DOCK10: variants seen among roughly 807,000 people sequenced by gnomAD.
DOCK10 encodes the protein dedicator of cytokinesis 10.
In DOCK10, 145 loss-of-function variants were observed where a neutral mutation model predicts 280.1. That is an observed-to-expected ratio of 0.52 (90% CI 0.45 to 0.59). DOCK10 has a LOEUF of 0.59. Among genes scored for constraint, DOCK10 ranks in the 20% least tolerant of loss-of-function variants. The pLI, the probability that DOCK10 is intolerant of heterozygous loss-of-function variation, is 0.00. For synonymous variants in DOCK10, 915 were observed against 942.2 expected (o/e 0.97, Z 0.53); for missense variants, 2,368 against 2,651.7 (o/e 0.89, Z 2.35).
intron 7 of DOCK10, among the ~76,000 whole-genome samples, chr2:224,882,246 C>T (rs1168925240): frequency 3.9e-5 from 6 of 152,086 alleles, no homozygotes; most frequent in Non-Finnish European, 8.8e-5. Context: ...ACTGAAGGAA[C>T]AAGATAGGAT....
chr2:224,769,050 G>C (rs1243957437), intron 55 of DOCK10: 11 of 402,094 alleles, frequency 2.7e-5, no homozygotes, highest in Non-Finnish European at 5.4e-5. Flanking sequence ...CGAACTTTCA[G>C]ATCCATCATT....
At chr2:224,859,429 C>G (rs181424373) in intron 14 of DOCK10, among the ~76,000 whole-genome samples, 1 of 152,050 alleles carries the variant, frequency 6.6e-6, no homozygotes, top group Non-Finnish European at 1.5e-5. Flanking sequence ...AATTTTCTCC[C>G]GAGTCAATGA....
intron 1 of DOCK10, among the ~76,000 whole-genome samples, chr2:224,988,587 T>G (rs149503772): frequency 6.6e-6 from 1 of 152,226 alleles, no homozygotes; most frequent in East Asian, 1.9e-4. Flanking sequence ...AGTGGCAGAA[T>G]CAGAATTAGA....
rs772883004 is a variant in DOCK10 at position 224,770,565 on chromosome 2, C to G, written c.6285G>C (p.Lys2095Asn). 1.4e-5 allele frequency: 23 copies of G among 1,613,780 alleles called. No homozygotes were observed. Among genetic ancestry groups the G allele is most frequent in the Non-Finnish European group, 1.9e-5 (22 of 1,179,798 alleles). Residue 2095 changes from lysine (K) to asparagine (N), a missense_variant, in exon 54 of 56, where the codon AAG becomes AAC. By Grantham distance (94) the Lys-to-Asn change is moderately conservative. Coordinates refer to ENST00000258390, the MANE Select transcript of DOCK10 (RefSeq NM_014689.3). The surrounding 1 kb of genome is among the most constrained non-coding windows in gnomAD (Gnocchi z 4.5). ...CTTACCTGAAGATCTCCTTCAAAAG[C>G]TTTACTTGGTTGTCAGGGTACTTCT... is the stretch of plus-strand genomic sequence containing the variant. ...NAKKYPDNQVKLLKEIFRQFA... is the reference protein window; with the variant it reads ...NAKKYPDNQVNLLKEIFRQFA...
rs371768872 is a variant in DOCK10, at chr2:224,778,141, G to T, written c.5799C>A (p.Asn1933Lys). ...ADNVKIIQDS[N>K]KVNPKDLDPK... ...ATGAATACTGATTTTCCTCTACCTT[G>T]TTGGAATCCTGGATTATCTTCACAT... is the stretch of plus-strand genomic sequence containing the variant. The change falls in exon 51 of 56, where the codon AAC becomes AAA. Residue 1933 changes from asparagine (N) to lysine (K), a missense_variant. This residue lies in a region of DOCK10 where 1,159 missense variants were observed against 1,400.8 expected (regional missense o/e 0.83). Coordinates refer to ENST00000258390, the MANE Select transcript of DOCK10 (RefSeq NM_014689.3). The T allele has an allele frequency of 8.7e-6, 14 of 1,612,908 alleles. No individual in the cohort carries two copies. In the African/African-American group the frequency reaches 1.7e-4, roughly 20 times the overall value.
At chr2:224,972,349 G>A (rs1261071181) in intron 1 of DOCK10, among the ~76,000 whole-genome samples, 1 of 152,202 alleles carries the variant, frequency 6.6e-6, no homozygotes, top group Non-Finnish European at 1.5e-5. Flanking sequence ...TAAGGATGCA[G>A]ATAATCTACC....
chr2:224,940,400 T>C (rs1041717791), intron 1 of DOCK10, among the ~76,000 whole-genome samples: 14 of 152,206 alleles, frequency 9.2e-5, no homozygotes, highest in Non-Finnish European at 1.3e-4. Flanking sequence ...GTGCCTAGAA[T>C]AAGGGACTAC....
In DOCK10 at chr2:224,784,254, A is replaced by T. The variant is rs184856527; in HGVS notation, c.5655+2768T>A. Among the ~76,000 whole-genome samples the T allele has an allele frequency of 4.6e-5, 7 of 152,128 alleles. No individual in the cohort carries two copies. In the East Asian group the frequency reaches 1.4e-3, roughly 29 times the overall value. On this transcript the variant is annotated intron_variant, in intron 50 of 55. Coordinates refer to ENST00000258390, the MANE Select transcript of DOCK10 (RefSeq NM_014689.3). ...CCATAGACCCCCATCACTCTAAGAC[A>T]CTCCTTCAGAAAAAACACAGTTTTT...
intron 1 of DOCK10, among the ~76,000 whole-genome samples, chr2:224,974,320 T>G (rs1326543961): frequency 6.6e-6 from 1 of 152,142 alleles, no homozygotes; most frequent in African/African-American, 2.4e-5. Context: ...CAGAATGAAA[T>G]AGATTTGGAA....
intron 1 of DOCK10, among the ~76,000 whole-genome samples, chr2:225,004,917 T>C (rs1363879474): frequency 6.6e-6 from 1 of 152,244 alleles, no homozygotes; most frequent in African/African-American, 2.4e-5. Flanking sequence ...CCTTGCTTTA[T>C]TTCTCTAATC....
chr2:224,845,380 T>C, intron 20 of DOCK10, 56 bp from the exon 21 acceptor site: 1 of 1,554,582 alleles, frequency 6.4e-7, no homozygotes. Flanking sequence ...TGGTAAGAAG[T>C]CACAATAATG....
At chr2:224,888,398 G>A (rs1326027900) in intron 4 of DOCK10, among the ~76,000 whole-genome samples, 2 of 151,860 alleles carry the variant, frequency 1.3e-5, no homozygotes, top group Non-Finnish European at 2.9e-5. Flanking sequence ...ATATATATGT[G>A]TGTGCATGTA....
rs746125520 is a variant in DOCK10, at chr2:224,765,549, A to G, written c.*172T>C. The stretch of plus-strand genomic sequence containing the variant: ...ATCAACACTGCTCAAAGAAAAAAAA[A>G]TTATACAAAATGTGCAAATTCAGAG... On this transcript the variant is annotated 3_prime_UTR_variant, in exon 56 of 56. Coordinates refer to ENST00000258390, the MANE Select transcript of DOCK10 (RefSeq NM_014689.3). 4 of 560,682 alleles carry G rather than the reference A, an allele frequency of 7.1e-6. No homozygotes were observed. Among genetic ancestry groups the G allele is most frequent in the Non-Finnish European group, 1.3e-5 (4 of 316,244 alleles). 34.7% of individuals were successfully genotyped at this position (560,682 alleles called of 1,614,324 possible).
intron 2 of DOCK10, 59 bp downstream of exon 2, chr2:224,931,490 C>T: frequency 6.5e-7 from 1 of 1,531,920 alleles, no homozygotes; most frequent in East Asian, 2.4e-5. Context: ...CAGGGAAAGA[C>T]AATGACCCAA....
intron 1 of DOCK10, among the ~76,000 whole-genome samples, chr2:224,988,759 T>C (rs1000927091): frequency 2.6e-5 from 4 of 152,238 alleles, no homozygotes; most frequent in African/African-American, 9.6e-5. Context: ...AATTGCATTT[T>C]GGTAGGAATT....
chr2:224,892,427 G>GAAAAAAAAAGAAAAGA (rs58114938), intron 4 of DOCK10, among the ~76,000 whole-genome samples: 1 of 93,972 alleles, frequency 1.1e-5, no homozygotes, highest in Non-Finnish European at 1.9e-5. Context: ...AAAAAAGAAA[G>GAAAAAAAAAGAAAAGA]AAAGAAAAGA....
At chr2:224,968,945 CCAAA>C (rs1247282921) in intron 1 of DOCK10, among the ~76,000 whole-genome samples, 1 of 152,192 alleles carries the variant, frequency 6.6e-6, no homozygotes, top group Non-Finnish European at 1.5e-5. Context: ...TACACTTCAA[CCAAA>C]CAGAGGCAGA....
chr2:224,958,715 C>T (rs1704194759), intron 1 of DOCK10, among the ~76,000 whole-genome samples: 1 of 152,066 alleles, frequency 6.6e-6, no homozygotes, highest in African/African-American at 2.4e-5. Flanking sequence ...ACTTTTCTGC[C>T]TAAGCGGGAC....
chr2:224,833,870 T>C (rs1695412832), intron 26 of DOCK10, among the ~76,000 whole-genome samples: 1 of 152,174 alleles, frequency 6.6e-6, no homozygotes, highest in Admixed American at 6.5e-5. Context: ...CAGGCTGGTC[T>C]TGAACTCCTG....
Sources: allele counts gnomAD v4.1 joint callset (sites outside exome capture counted in the v4.1 genomes callset), GRCh38; gene constraint gnomAD v4.1.1; regional missense constraint gnomAD v4.1.1; non-coding constraint Gnocchi (gnomAD v3.1); transcripts MANE v1.5; gene names NCBI Gene and HGNC (gene_info 2026-07-23, HGNC 2026-07-21).